The following MTTP variants were observed in gnomAD, a reference collection of about 807,000 sequenced individuals.
The protein encoded by MTTP is microsomal triglyceride transfer protein, also known as microsomal triglyceride transfer protein large subunit.
Under a neutral mutation model 90.6 loss-of-function variants are expected in MTTP, and 49 were observed. The observed-to-expected ratio is 0.54, with a 90% confidence interval of 0.43 to 0.69. MTTP has a LOEUF of 0.69. MTTP is among the 30% of genes least tolerant of loss of function. The pLI, the probability that MTTP is intolerant of heterozygous loss-of-function variation, is 0.00. For synonymous variants in MTTP, 347 were observed against 384.2 expected (o/e 0.90, Z 1.13); for missense variants, 945 against 1,067.5 (o/e 0.89, Z 1.60).
intron 10 of MTTP, among the ~76,000 whole-genome samples, chr4:99,604,941 A>G (rs1201363181): frequency 6.6e-6 from 1 of 152,190 alleles, no homozygotes; most frequent in South Asian, 2.1e-4. Context: ...CTTAGAATAT[A>G]TTCCATCGCA....
At chr4:99,585,002 G>A (rs1347958922) in intron 3 of MTTP, among the ~76,000 whole-genome samples, 3 of 152,022 alleles carry the variant, frequency 2.0e-5, no homozygotes, top group African/African-American at 7.2e-5. Context: ...TTATGTCTTG[G>A]CTCTCCACAT....
intron 3 of MTTP, among the ~76,000 whole-genome samples, chr4:99,585,350 A>G (rs1021051753): frequency 5.9e-5 from 9 of 152,146 alleles, no homozygotes; most frequent in Non-Finnish European, 1.3e-4. Flanking sequence ...GCCTATGGTC[A>G]TACAACTGGC....
At chr4:99,596,608 C>T (rs902975512) in intron 7 of MTTP, among the ~76,000 whole-genome samples, 2 of 152,068 alleles carry the variant, frequency 1.3e-5, no homozygotes, top group African/African-American at 2.4e-5. Flanking sequence ...GGGAGCTCAC[C>T]GAAAAATTGA....
In MTTP at chr4:99,611,357, C is replaced by T. The variant is rs151204426; in HGVS notation, c.1893C>T (p.Tyr631=). ...IERSPRSAST[Y]SLDILYSGSG... ...GTAGTCCCCGTTCGGCATCTACTTA[C>T]AGCCTAGACATTCTCTACTCGGGTT... The change falls in exon 14 of 18, where the codon TAC becomes TAT. Residue 631 remains tyrosine (Y), a synonymous_variant. Transcript: ENST00000265517. 4.2e-5 allele frequency: 67 copies of T among 1,614,042 alleles called. 1 individual carries two copies. In the Admixed American group the frequency reaches 8.7e-4, roughly 21 times the overall value.
chr4:99,574,580 C>A, upstream of MTTP: 3 of 440,328 alleles, frequency 6.8e-6, no homozygotes, highest in South Asian at 4.3e-5. Context: ...CTTTGAATGC[C>A]CCTCAGTACT....
intron 15 of MTTP, among the ~76,000 whole-genome samples, chr4:99,613,756 C>T (rs907017687): frequency 6.6e-6 from 1 of 151,912 alleles, no homozygotes; most frequent in Admixed American, 6.6e-5. Context: ...TTTTTGTGGC[C>T]CGAAATCTTA....
At chr4:99,587,218 A>G (rs958631792) in intron 3 of MTTP, among the ~76,000 whole-genome samples, 3 of 152,154 alleles carry the variant, frequency 2.0e-5, no homozygotes, top group Non-Finnish European at 4.4e-5. Context: ...GCTGGTATGG[A>G]TATCAGTACT....
At chr4:99,614,025 T>A (rs1726029348) in intron 15 of MTTP, among the ~76,000 whole-genome samples, 2 of 152,238 alleles carry the variant, frequency 1.3e-5, no homozygotes, top group South Asian at 4.1e-4. Context: ...ATCAAAGTGA[T>A]CACTGTGTAC....
At chr4:99,575,869 C>CT (rs1200295208) in intron 1 of MTTP, among the ~76,000 whole-genome samples, 1 of 152,164 alleles carries the variant, frequency 6.6e-6, no homozygotes, top group African/African-American at 2.4e-5. Context: ...ACCATGTACT[C>CT]TAAGTAATTG....
rs2110228800 is a variant in MTTP at position 99,606,921 on chromosome 4, T to C, written c.1518T>C (p.Thr506=). The change falls in exon 11 of 18, where the codon ACT becomes ACC. Residue 506 remains threonine (T), a synonymous_variant. Transcript: ENST00000265517. ...GGCCCATCAGCCACCTGGCTACCAC[T>C]GCTCTCCAGAGATATGATCTCCCTT... The part of the protein sequence containing the change: ...GEGPISHLAT[T]ALQRYDLPFI... 6.2e-7 allele frequency: 1 copy of C among 1,613,796 alleles called. No homozygotes were observed. The highest frequency in any genetic ancestry group is 2.2e-5 in the East Asian group (1 of 44,854).
intron 9 of MTTP, among the ~76,000 whole-genome samples, chr4:99,601,279 C>T: frequency 6.8e-6 from 1 of 146,204 alleles, no homozygotes; most frequent in South Asian, 2.1e-4. Context: ...GTGATGAGGC[C>T]CCTTTTTACT....
At position 99,589,674 on chromosome 4, in the gene MTTP, C is replaced by T; in HGVS notation, c.425C>T (p.Ala142Val). ...GAGTTCTACTCATATCAAAATGAGG[C>T]AGTGGCCATAGAAAATATCAAGAGA... is the stretch of plus-strand genomic sequence containing the variant. ...VKEFYSYQNE[A>V]VAIENIKRGL... Residue 142 changes from alanine to valine, a missense_variant, in exon 4 of 18, where the codon GCA becomes GTA. Transcript: ENST00000265517. 6.2e-7 allele frequency: 1 copy of T among 1,609,200 alleles called. No individual in the cohort carries two copies. Among genetic ancestry groups the T allele is most frequent in the Non-Finnish European group, 8.5e-7 (1 of 1,175,884 alleles).
chr4:99,583,509 C>G lies in MTTP; in HGVS notation c.385C>G (p.His129Asp), dbSNP rs1269170427. ...LQRPTLLHLI[H>D]GKVKEFYSYQ... ...AAGACCTACGCTCCTTCATCTAATC[C>G]ATGGAAAGGTAAAGGGGCGTTTAGA... Residue 129 changes from histidine (H) to aspartate (D), a missense_variant, in exon 3 of 18, where the codon CAT becomes GAT. His to Asp is a moderately conservative substitution (Grantham distance 81, BLOSUM62 -1). Coordinates refer to ENST00000265517, the MANE Select transcript of MTTP (RefSeq NM_001386140.1). 3 of 1,613,376 alleles carry G rather than the reference C, an allele frequency of 1.9e-6. No homozygotes were observed. In the African/African-American group the frequency reaches 4.0e-5, roughly 22 times the overall value.
intron 1 of MTTP, among the ~76,000 whole-genome samples, chr4:99,577,147 G>GTT (rs1724983296): frequency 1.3e-5 from 2 of 152,160 alleles, no homozygotes; most frequent in Non-Finnish European, 2.9e-5. Flanking sequence ...TGTAACAACT[G>GTT]ACATTAATTA....
intron 6 of MTTP, among the ~76,000 whole-genome samples, chr4:99,592,542 T>G (rs191044481): frequency 1.9e-4 from 29 of 151,952 alleles, no homozygotes; most frequent in Non-Finnish European, 2.8e-4. Context: ...TTTTTTCTTT[T>G]AAAAATTTCT....
chr4:99,610,389 T>C (rs1172994078), intron 12 of MTTP, among the ~76,000 whole-genome samples: 3 of 152,206 alleles, frequency 2.0e-5, no homozygotes, highest in South Asian at 2.1e-4. Flanking sequence ...TAAAATCTTA[T>C]AACCTAGTGA....
At chr4:99,603,881 A>T (rs1725753963) in intron 10 of MTTP, among the ~76,000 whole-genome samples, 1 of 152,188 alleles carries the variant, frequency 6.6e-6, no homozygotes, top group Non-Finnish European at 1.5e-5. Flanking sequence ...AGAACAAAGG[A>T]TCAAATTTAA....
chr4:99,615,954 C>T (rs941034524), intron 15 of MTTP, among the ~76,000 whole-genome samples: 1 of 152,162 alleles, frequency 6.6e-6, no homozygotes, highest in Non-Finnish European at 1.5e-5. Flanking sequence ...AATAAATATG[C>T]ACTCTGGGCC....
intron 11 of MTTP, among the ~76,000 whole-genome samples, chr4:99,608,276 C>T (rs150284152): frequency 2.9e-4 from 44 of 152,140 alleles, no homozygotes; most frequent in African/African-American, 1.0e-3. Context: ...GAAACCCCAT[C>T]TCTACTAAAA....
Sources: allele counts gnomAD v4.1 joint callset (sites outside exome capture counted in the v4.1 genomes callset), GRCh38; gene constraint gnomAD v4.1.1; transcripts MANE v1.5; gene names NCBI Gene and HGNC (gene_info 2026-07-23, HGNC 2026-07-21).